Variants in DDHD1 observed in about 807,000 individuals in gnomAD.
The protein encoded by DDHD1 is phospholipase DDHD1.
In DDHD1, 49 loss-of-function variants were observed where a neutral mutation model predicts 96.4. The observed-to-expected ratio is 0.51, with a 90% CI of 0.40 to 0.64. The LOEUF is 0.64. DDHD1 is among the 30% of genes least tolerant of loss of function. DDHD1 has a pLI of 0.00. For synonymous variants in DDHD1, 442 were observed against 446.5 expected, an observed-to-expected ratio of 0.99 and a Z score of 0.13; for missense variants, 1,106 against 1,161.2, an observed-to-expected ratio of 0.95 and a Z score of 0.69.
chr14:53,152,116 C>CG, intron 1 of DDHD1, 145 bp downstream of exon 1: 2 of 806,646 alleles, frequency 2.5e-6, no homozygotes, highest in Non-Finnish European at 3.6e-6. Flanking sequence ...TGCCGACGCT[C>CG]CCTGCTCAAT....
intron 1 of DDHD1, among the ~76,000 whole-genome samples, chr14:53,111,035 C>T (rs112772974): frequency 2.3e-3 from 352 of 152,242 alleles, no homozygotes; most frequent in African/African-American, 8.2e-3. Flanking sequence ...CTAGGAAGAA[C>T]GGTCTTTATT....
At chr14:53,084,975 G>A (rs139202106) in intron 4 of DDHD1, among the ~76,000 whole-genome samples, 88 of 152,348 alleles carry the variant, frequency 5.8e-4, no homozygotes, top group African/African-American at 1.9e-3. Context: ...ATTATATCCC[G>A]CGCCTGGCTC....
chr14:53,082,576 T>C (rs1885581334), intron 4 of DDHD1, among the ~76,000 whole-genome samples: 1 of 151,362 alleles, frequency 6.6e-6, no homozygotes, highest in African/African-American at 2.4e-5. Context: ...CTGACCAATA[T>C]GGTGAAGCCC....
intron 12 of DDHD1, 36 bp from the exon 13 acceptor site, chr14:53,046,985 T>C (rs1882063444): frequency 1.9e-6 from 3 of 1,543,390 alleles, no homozygotes; most frequent in Non-Finnish European, 2.6e-6. Context: ...TGAATACAGA[T>C]TATAATAAAA....
chr14:53,119,043 A>T (rs1200801800), intron 1 of DDHD1, among the ~76,000 whole-genome samples: 2 of 152,196 alleles, frequency 1.3e-5, no homozygotes, highest in African/African-American at 4.8e-5. Flanking sequence ...TCAACCCAGA[A>T]TCTCATATTC....
At chr14:53,132,642 CA>C (rs1889957926) in intron 1 of DDHD1, among the ~76,000 whole-genome samples, 1 of 152,188 alleles carries the variant, frequency 6.6e-6, no homozygotes, top group East Asian at 1.9e-4. Flanking sequence ...CCTGCACCAC[CA>C]TGCTGTTACA....
intron 2 of DDHD1, chr14:53,103,249 A>G: frequency 2.2e-6 from 1 of 464,720 alleles, no homozygotes; most frequent in Non-Finnish European, 3.7e-6. Context: ...ATGGTTTTCA[A>G]TAGGGGATAA....
chr14:53,099,328 C>G (rs1887124467), intron 2 of DDHD1, among the ~76,000 whole-genome samples: 1 of 152,174 alleles, frequency 6.6e-6, no homozygotes, highest in African/African-American at 2.4e-5. Flanking sequence ...ATTCAGGTTT[C>G]TCTAGTTTTT....
chr14:53,113,921 C>T (rs61985112), intron 1 of DDHD1, among the ~76,000 whole-genome samples: 1,965 of 152,280 alleles, frequency 0.013, 12 homozygotes, highest in Non-Finnish European at 0.019. Context: ...CAAGTGGTCT[C>T]GCTCAGTGGG....
At chr14:53,066,376 T>G (rs1020673956) in intron 6 of DDHD1, among the ~76,000 whole-genome samples, 1 of 152,106 alleles carries the variant, frequency 6.6e-6, no homozygotes, top group African/African-American at 2.4e-5. Context: ...GGTCTCGAAT[T>G]CCTGACCTCA....
chr14:53,052,500 G>C (rs1458098053), intron 11 of DDHD1: 1 of 152,002 alleles, frequency 6.6e-6, no homozygotes, highest in Non-Finnish European at 1.5e-5. Flanking sequence ...TAATCACAAT[G>C]ACCAAATTTC....
At chr14:53,109,035 C>A (rs901751525) in intron 1 of DDHD1, among the ~76,000 whole-genome samples, 19 of 152,132 alleles carry the variant, frequency 1.2e-4, no homozygotes, top group Non-Finnish European at 2.2e-4. Context: ...AGTTTAAGAG[C>A]ATTCACTTCT....
At chr14:53,124,384 T>C (rs185571553) in intron 1 of DDHD1, among the ~76,000 whole-genome samples, 19 of 152,200 alleles carry the variant, frequency 1.2e-4, no homozygotes, top group African/African-American at 3.9e-4. Flanking sequence ...AGCTAGAAAC[T>C]GTAATCTAAA....
At chr14:53,070,609 A>T (rs955002543) in intron 6 of DDHD1, among the ~76,000 whole-genome samples, 1 of 152,108 alleles carries the variant, frequency 6.6e-6, no homozygotes, top group African/African-American at 2.4e-5. Context: ...GAGACACAAC[A>T]CTATCTGTTA....
At chr14:53,122,780 G>A (rs1889100099) in intron 1 of DDHD1, among the ~76,000 whole-genome samples, 1 of 151,580 alleles carries the variant, frequency 6.6e-6, no homozygotes, top group Non-Finnish European at 1.5e-5. Flanking sequence ...TGCTTGTCAG[G>A]CTGGTCTCGA....
chr14:53,054,406 T>C (rs1277420301), intron 11 of DDHD1, 32 bp downstream of exon 11: 4 of 1,598,306 alleles, frequency 2.5e-6, no homozygotes, highest in East Asian at 2.2e-5. Flanking sequence ...AAAGATACAG[T>C]ATCAACTTAA....
chr14:53,106,124 T>C (rs1595184743), intron 1 of DDHD1, among the ~76,000 whole-genome samples: 1 of 152,326 alleles, frequency 6.6e-6, no homozygotes, highest in East Asian at 1.9e-4. Context: ...AATTCTTTGT[T>C]CACCCACTTA....
chr14:53,098,412 C>A (rs1013859675), intron 2 of DDHD1, among the ~76,000 whole-genome samples: 1 of 151,942 alleles, frequency 6.6e-6, no homozygotes, highest in Non-Finnish European at 1.5e-5. Context: ...GTTACTGCTG[C>A]TGATGACATA....
At chr14:53,118,213 C>G (rs1888697463) in intron 1 of DDHD1, among the ~76,000 whole-genome samples, 1 of 152,198 alleles carries the variant, frequency 6.6e-6, no homozygotes, top group Non-Finnish European at 1.5e-5. Flanking sequence ...GGAGAAACCA[C>G]AGCAGAAAAG....
Sources: allele counts gnomAD v4.1 joint callset (sites outside exome capture counted in the v4.1 genomes callset), GRCh38; gene constraint gnomAD v4.1.1; transcripts MANE v1.5; gene names NCBI Gene and HGNC (gene_info 2026-07-23, HGNC 2026-07-21).